The following COL25A1 variants were observed in gnomAD, a reference collection of about 807,000 sequenced individuals.
COL25A1 encodes the protein collagen type XXV alpha 1 chain.
A neutral mutation model predicts 128.4 loss-of-function variants in COL25A1; 103 were observed. That is an observed-to-expected ratio of 0.80 (90% CI 0.68 to 0.94). The LOEUF (loss-of-function observed/expected upper bound fraction) is 0.94. COL25A1 is among the 40% of genes least tolerant of loss of function. The pLI, the probability that COL25A1 is intolerant of heterozygous loss-of-function variation, is 0.00. For missense variants in COL25A1, 745 were observed against 840.0 expected (o/e 0.89, Z 1.40); for synonymous variants, 279 against 277.2 (o/e 1.01, Z -0.06).
At chr4:109,209,328 A>G (rs1777304248) in intron 3 of COL25A1, among the ~76,000 whole-genome samples, 1 of 15,566 alleles carries the variant, frequency 6.4e-5, no homozygotes, top group African/African-American at 4.0e-4. Flanking sequence ...ATAGGAGATA[A>G]TGCCAGAAAA....
chr4:109,181,174 A>T (rs1362117297), intron 3 of COL25A1, among the ~76,000 whole-genome samples: 1 of 152,106 alleles, frequency 6.6e-6, no homozygotes, highest in Admixed American at 6.6e-5. Flanking sequence ...CTTTATGTTA[A>T]TCCTCTGGTT....
At chr4:109,289,545 G>A (rs1210896448) in intron 3 of COL25A1, among the ~76,000 whole-genome samples, 6 of 152,082 alleles carry the variant, frequency 3.9e-5, no homozygotes, top group Non-Finnish European at 5.9e-5. Flanking sequence ...CTGCTAAATT[G>A]AATCATGAAT....
chr4:108,931,219 A>T (rs915711677), intron 11 of COL25A1, among the ~76,000 whole-genome samples: 1 of 152,222 alleles, frequency 6.6e-6, no homozygotes, highest in Non-Finnish European at 1.5e-5. Context: ...TATAATATGC[A>T]TCTGTGCATT....
At chr4:108,962,636 T>C (rs1286800062) in intron 8 of COL25A1, among the ~76,000 whole-genome samples, 1 of 152,188 alleles carries the variant, frequency 6.6e-6, no homozygotes, top group Non-Finnish European at 1.5e-5. Flanking sequence ...GTCAACCAGA[T>C]TCGTGCTAAA....
chr4:109,228,516 T>C (rs1778954270), intron 3 of COL25A1, among the ~76,000 whole-genome samples: 1 of 152,200 alleles, frequency 6.6e-6, no homozygotes, highest in Non-Finnish European at 1.5e-5. Flanking sequence ...TTTAATCTTT[T>C]AGAATTGGGA....
chr4:108,813,594 C>CT lies in COL25A1; in HGVS notation c.*332dup. 3.9e-6 allele frequency: 1 copy of CT among 257,826 alleles called. No individual in the cohort carries two copies. The highest frequency in any genetic ancestry group is 5.0e-5 in the Admixed American group (1 of 20,162). The allele number at this position is 257,826 out of a possible 1,614,324, so 16.0% of individuals were successfully genotyped here. A position where few individuals can be genotyped will look rare whatever the true frequency, so the allele number is the denominator to read the frequency against. ...ATTTCATGTAAACTATTTCATGGCACTTTTTGTCCATGCAATTAGCAAGCC... is the reference window on the plus strand; with the variant it reads ...ATTTCATGTAAACTATTTCATGGCACTTTTTTGTCCATGCAATTAGCAAGCC... On this transcript the variant is annotated 3_prime_UTR_variant, in exon 38 of 38. Transcript: ENST00000399132.
At chr4:109,268,728 C>A (rs928145890) in intron 3 of COL25A1, among the ~76,000 whole-genome samples, 1 of 152,056 alleles carries the variant, frequency 6.6e-6, no homozygotes, top group East Asian at 1.9e-4. Flanking sequence ...GGAAACAAAT[C>A]GAGATGCCTT....
intron 8 of COL25A1, among the ~76,000 whole-genome samples, chr4:108,943,746 G>A (rs1468483069): frequency 2.6e-5 from 4 of 151,542 alleles, no homozygotes; most frequent in Non-Finnish European, 5.9e-5. Context: ...AATTGGGTAA[G>A]TCTGAGAGAG....
At chr4:109,281,949 C>G (rs1169810703) in intron 3 of COL25A1, among the ~76,000 whole-genome samples, 1 of 152,096 alleles carries the variant, frequency 6.6e-6, no homozygotes. Context: ...CCCCCAAGAA[C>G]AGTGAGTGCT....
At chr4:109,261,659 T>C (rs919745583) in intron 3 of COL25A1, among the ~76,000 whole-genome samples, 3 of 152,018 alleles carry the variant, frequency 2.0e-5, no homozygotes, top group African/African-American at 4.8e-5. Context: ...CGGGTAATAA[T>C]AGTATAGGCA....
intron 3 of COL25A1, among the ~76,000 whole-genome samples, chr4:109,169,963 T>C (rs1040653690): frequency 1.3e-5 from 2 of 152,070 alleles, no homozygotes; most frequent in Non-Finnish European, 2.9e-5. Flanking sequence ...TATGTGAAAA[T>C]GTATAATATA....
chr4:108,947,038 G>A (rs1748842576), intron 8 of COL25A1, among the ~76,000 whole-genome samples: 1 of 152,150 alleles, frequency 6.6e-6, no homozygotes, highest in Non-Finnish European at 1.5e-5. Context: ...CAAGGAAGAG[G>A]CTTTCTGGGG....
intron 5 of COL25A1, among the ~76,000 whole-genome samples, chr4:109,032,103 C>A (rs1368099320): frequency 2.0e-5 from 3 of 152,008 alleles, no homozygotes; most frequent in Non-Finnish European, 4.4e-5. Context: ...TCAGCAGGTA[C>A]CATTATCCAC....
At chr4:108,855,191 G>GTTTTTTTTT in intron 24 of COL25A1, among the ~76,000 whole-genome samples, 1 of 131,950 alleles carries the variant, frequency 7.6e-6, no homozygotes, top group Non-Finnish European at 1.6e-5. Context: ...TGTTGTTACT[G>GTTTTTTTTT]TTTTTTTTTT....
At chr4:108,828,351 T>A (rs966895109) in intron 32 of COL25A1, among the ~76,000 whole-genome samples, 1 of 151,984 alleles carries the variant, frequency 6.6e-6, no homozygotes, top group Non-Finnish European at 1.5e-5. Flanking sequence ...GCCGGGCTGG[T>A]CTCGAAGTCC....
At chr4:109,057,004 C>A (rs1761507164) in intron 3 of COL25A1, among the ~76,000 whole-genome samples, 1 of 152,130 alleles carries the variant, frequency 6.6e-6, no homozygotes, top group Non-Finnish European at 1.5e-5. Flanking sequence ...GGGCTACAGG[C>A]ACATACCACC....
intron 11 of COL25A1, among the ~76,000 whole-genome samples, chr4:108,934,831 T>C (rs1175710214): frequency 3.3e-5 from 5 of 152,220 alleles, no homozygotes; most frequent in Non-Finnish European, 7.3e-5. Context: ...TTTACAGGAA[T>C]ACATCTGTTA....
chr4:109,076,041 C>T (rs1481040800), intron 3 of COL25A1, among the ~76,000 whole-genome samples: 3 of 152,090 alleles, frequency 2.0e-5, no homozygotes, highest in Non-Finnish European at 4.4e-5. Flanking sequence ...ATTTACATAG[C>T]ACTTATGTTG....
chr4:109,091,495 T>C (rs1030696308), intron 3 of COL25A1, among the ~76,000 whole-genome samples: 2 of 152,198 alleles, frequency 1.3e-5, no homozygotes, highest in Non-Finnish European at 2.9e-5. Context: ...TAAACCGTTA[T>C]TTTCATCCAA....
Sources: allele counts gnomAD v4.1 joint callset (sites outside exome capture counted in the v4.1 genomes callset), GRCh38; gene constraint gnomAD v4.1.1; transcripts MANE v1.5; gene names NCBI Gene and HGNC (gene_info 2026-07-23, HGNC 2026-07-21).